EML5: variants seen among roughly 807,000 people sequenced by gnomAD.
The protein encoded by EML5 is EMAP like 5.
In EML5, 120 loss-of-function variants were observed where a neutral mutation model predicts 250.0. The ratio of observed to expected loss-of-function variants is 0.48; its 90% CI spans 0.41 to 0.56. The LOEUF (loss-of-function observed/expected upper bound fraction) is 0.56, where lower values mean the gene tolerates loss of function less well. EML5 is among the 20% of genes least tolerant of loss of function. The pLI, the probability that EML5 is intolerant of heterozygous loss-of-function variation, is 0.00. For synonymous variants in EML5, 771 were observed against 806.5 expected, an observed-to-expected ratio of 0.96 and a Z score of 0.75; for missense variants, 2,006 against 2,437.6, an observed-to-expected ratio of 0.82 and a Z score of 3.73.
At chr14:88,745,167 T>TTGTGTGTG (rs1555370057) in intron 3 of EML5, among the ~76,000 whole-genome samples, 98 of 145,274 alleles carry the variant, frequency 6.7e-4, no homozygotes, top group African/African-American at 2.2e-3. Context: ...AATTGTGTGT[T>TTGTGTGTG]TGTGTGTGTG....
At position 88,634,500 on chromosome 14, in the gene EML5, AAAT is replaced by A. The variant is rs1329873085; in HGVS notation, c.4337-14_4337-12del. ...TGTCTGCTGAATCACCTATAATGGA[AAAT>A]AATTATCTATAAATAACATAAATCT... On this transcript the variant is annotated splice_polypyrimidine_tract_variant and intron_variant, in intron 32 of 43. Coordinates refer to ENST00000554922, the MANE Select transcript of EML5 (RefSeq NM_183387.3). 3 of 1,424,752 alleles carry A rather than the reference AAAT, an allele frequency of 2.1e-6. No homozygotes were observed. Among genetic ancestry groups the A allele is most frequent in the South Asian group, 3.0e-5 (2 of 67,190 alleles). 88.3% of individuals were successfully genotyped at this position (1,424,752 alleles called of 1,614,324 possible).
chr14:88,715,297 TATAA>T, intron 8 of EML5, 102 bp from the exon 9 acceptor site: 2 of 1,155,144 alleles, frequency 1.7e-6, no homozygotes, highest in Non-Finnish European at 2.4e-6. Flanking sequence ...ATCAAGTGTT[TATAA>T]ACTATAAAGT....
At chr14:88,663,203 G>A in intron 23 of EML5, 84 bp from the exon 24 acceptor site, 3 of 911,476 alleles carry the variant, frequency 3.3e-6, no homozygotes, top group South Asian at 2.8e-5. Context: ...AAGTTTTATG[G>A]GAAAAAATCA....
Position 88,706,376 on chromosome 14 carries a change from T to C in EML5, c.1708A>G (p.Arg570Gly). 1 of 1,609,140 alleles carries C rather than the reference T, an allele frequency of 6.2e-7. No individual in the cohort carries two copies. Among genetic ancestry groups the C allele is most frequent in the Non-Finnish European group, 8.5e-7 (1 of 1,177,870 alleles). Reference sequence around the variant, plus strand: ...ACCCACTGATAATCATGTGACCATCTGACATTAGTTACGTGAGCTGAATGG... The same window carrying C: ...ACCCACTGATAATCATGTGACCATCCGACATTAGTTACGTGAGCTGAATGG... ...IGHSAHVTNV[R>G]WSHDYQWVIS... The change falls in exon 11 of 44, where the codon AGA becomes GGA. Residue 570 changes from arginine to glycine, a missense_variant. Arg to Gly is a moderately radical substitution (Grantham distance 125). Around this residue, in one of 7 missense-constraint regions of EML5, gnomAD observed 1,375 missense variants for 1,590.3 expected, o/e 0.86. Transcript: ENST00000554922.
At chr14:88,657,253 G>T (rs572189687) in intron 27 of EML5, 123 bp downstream of exon 27, 36 of 962,054 alleles carry the variant, frequency 3.7e-5, no homozygotes, top group Middle Eastern at 6.7e-4. Context: ...AAGAGGTGCT[G>T]TGAATTGTCT....
At chr14:88,712,930 T>C (rs1024316336) in intron 9 of EML5, among the ~76,000 whole-genome samples, 3 of 152,188 alleles carry the variant, frequency 2.0e-5, no homozygotes, top group Admixed American at 6.5e-5. Context: ...TGTAGGATAA[T>C]ATATTTACAT....
Position 88,621,196 on chromosome 14 carries a change from C to T in EML5, c.5119G>A (p.Gly1707Arg). 6.2e-7 allele frequency: 1 copy of T among 1,613,870 alleles called. No homozygotes were observed. The change falls in exon 38 of 44, where the codon GGA (glycine) becomes AGA (arginine). Residue 1707 changes from glycine to arginine, a missense_variant. Physicochemically the swap from Gly to Arg is moderately radical, Grantham distance 125. Transcript: ENST00000554922. ...TCCCTGGAAGGATGTGTTGCTAGTC[C>T]CCAGATTGGCCCATCCACATGACCG... Reference protein sequence around the residue: ...VNGHVDGPIWGLATHPSRDFF... With the variant: ...VNGHVDGPIWRLATHPSRDFF...
chr14:88,650,569 T>C (rs1484404355), intron 27 of EML5, among the ~76,000 whole-genome samples: 4 of 152,260 alleles, frequency 2.6e-5, no homozygotes, highest in Non-Finnish European at 4.4e-5. Flanking sequence ...AGAATGGTTA[T>C]TGTCATCAGA....
At chr14:88,745,172 TG>T (rs1566740292) in intron 3 of EML5, among the ~76,000 whole-genome samples, 4 of 150,340 alleles carry the variant, frequency 2.7e-5, no homozygotes, top group African/African-American at 2.4e-5. Context: ...TGTGTTTGTG[TG>T]TGTGTGTGTG....
intron 42 of EML5, 109 bp from the exon 43 acceptor site, chr14:88,616,351 T>C: frequency 3.8e-6 from 4 of 1,056,320 alleles, no homozygotes; most frequent in Non-Finnish European, 5.8e-6. Context: ...GAGTAGGGAG[T>C]TAGCACCGCA....
At chr14:88,713,558 G>T (rs959877922) in intron 9 of EML5, among the ~76,000 whole-genome samples, 3 of 151,462 alleles carry the variant, frequency 2.0e-5, no homozygotes, top group African/African-American at 7.3e-5. Context: ...GCTCCCAGCA[G>T]CCTTGAACTC....
intron 13 of EML5, 129 bp from the exon 14 acceptor site, chr14:88,702,761 AT>A (rs1434989110): frequency 2.8e-5 from 18 of 640,766 alleles, no homozygotes; most frequent in Admixed American, 3.7e-5. Flanking sequence ...ATACTAAACA[AT>A]TTTTTTTCAA....
intron 22 of EML5, 140 bp from the exon 23 acceptor site, chr14:88,664,764 T>TAAC (rs1290943495): frequency 1.1e-5 from 9 of 802,404 alleles, no homozygotes; most frequent in Non-Finnish European, 1.7e-5. Flanking sequence ...ATGTGTTAAA[T>TAAC]AACAAATGAT....
intron 3 of EML5, among the ~76,000 whole-genome samples, chr14:88,745,680 G>A (rs987390851): frequency 6.6e-6 from 1 of 152,084 alleles, no homozygotes; most frequent in African/African-American, 2.4e-5. Flanking sequence ...TGAATAATGG[G>A]TGTCTGCATA....
intron 8 of EML5, 137 bp from the exon 9 acceptor site, chr14:88,715,332 G>T: frequency 1.2e-6 from 1 of 847,690 alleles, no homozygotes; most frequent in Non-Finnish European, 1.8e-6. Flanking sequence ...AACACAAGTA[G>T]TATTAATTCA....
At chr14:88,725,511 A>T (rs1166923436) in intron 8 of EML5, among the ~76,000 whole-genome samples, 2 of 152,170 alleles carry the variant, frequency 1.3e-5, no homozygotes, top group Non-Finnish European at 2.9e-5. Context: ...ATGGTGATAC[A>T]GGAAAGGAGT....
At chr14:88,653,481 G>A (rs2091731605) in intron 27 of EML5, among the ~76,000 whole-genome samples, 1 of 152,108 alleles carries the variant, frequency 6.6e-6, no homozygotes, top group Non-Finnish European at 1.5e-5. Context: ...TCAAAACCTA[G>A]TTTATTGAGA....
At chr14:88,764,960 G>T (rs1191538351) in intron 1 of EML5, among the ~76,000 whole-genome samples, 2 of 152,128 alleles carry the variant, frequency 1.3e-5, no homozygotes, top group African/African-American at 4.8e-5. Flanking sequence ...ACTTGAAAAG[G>T]ATGTGCATTC....
intron 23 of EML5, 116 bp downstream of exon 23, chr14:88,664,377 G>T: frequency 1.3e-6 from 1 of 785,896 alleles, no homozygotes; most frequent in Non-Finnish European, 1.9e-6. Context: ...GAGAATAATG[G>T]TTGTTTTTCC....
Sources: gnomAD v4.1 joint callset for allele counts (sites outside exome capture counted in the v4.1 genomes callset) on GRCh38, gnomAD v4.1.1 for gene constraint, gnomAD v4.1.1 regional missense constraint, MANE v1.5 for transcripts, NCBI Gene and HGNC (gene_info 2026-07-23, HGNC 2026-07-21) for gene names.